NUP210: variants seen among roughly 807,000 people sequenced by gnomAD.
NUP210 encodes nucleoporin 210.
A neutral mutation model predicts 196.0 loss-of-function variants in NUP210; 151 were observed. That is an observed-to-expected ratio of 0.77 (90% CI 0.67 to 0.88). The LOEUF (loss-of-function observed/expected upper bound fraction) is 0.88. Among genes scored for constraint, NUP210 ranks in the 40% least tolerant of loss-of-function variants. The probability of loss-of-function intolerance (pLI) is 0.00; values close to 1 mark genes in which losing one functional copy is unlikely to be tolerated. For synonymous variants in NUP210, 1,070 were observed against 1,052.7 expected, an observed-to-expected ratio of 1.02 and a Z score of -0.32; for missense variants, 2,314 against 2,493.7, an observed-to-expected ratio of 0.93 and a Z score of 1.53.
chr3:13,351,612 G>A (rs910928624), intron 20 of NUP210: 2 of 386,484 alleles, frequency 5.2e-6, no homozygotes, highest in Non-Finnish European at 9.5e-6. Context: ...TCAGGTTCCT[G>A]TGTAGCTGGG....
intron 16 of NUP210, among the ~76,000 whole-genome samples, chr3:13,357,604 C>T (rs1204038466): frequency 1.3e-5 from 2 of 152,290 alleles, no homozygotes; most frequent in African/African-American, 4.8e-5. Context: ...TGTCCCATGT[C>T]CCTTACCCTG....
intron 3 of NUP210, among the ~76,000 whole-genome samples, chr3:13,392,128 A>G (rs1699511311): frequency 6.6e-6 from 1 of 152,112 alleles, no homozygotes; most frequent in South Asian, 2.1e-4. Context: ...CTCCCAGTAC[A>G]AGGGATCTGG....
rs201141037 is a variant in NUP210, at chr3:13,335,466, C to G, written c.3831G>C (p.Glu1277Asp). Residue 1277 changes from glutamate to aspartate, a missense_variant, in exon 28 of 40, where the codon GAG becomes GAC. Glu to Asp is a conservative substitution (Grantham distance 45, BLOSUM62 2). Coordinates refer to ENST00000254508, the MANE Select transcript of NUP210 (RefSeq NM_024923.4). ...ACCTGCCTCCTACCTGGACTTGGAT[C>G]TCATCCGAGAGTTCTCTGGCCAGGC... is the stretch of plus-strand genomic sequence containing the variant. ...LYGLARELSD[E>D]IQVQVFEKLQ... 2.5e-6 allele frequency: 4 copies of G among 1,613,252 alleles called. No homozygotes were observed. The highest frequency in any genetic ancestry group is 2.7e-5 in the African/African-American group (2 of 75,040).
At chr3:13,400,912 C>T (rs972263207) in intron 1 of NUP210, among the ~76,000 whole-genome samples, 6 of 142,968 alleles carry the variant, frequency 4.2e-5, no homozygotes, top group African/African-American at 1.2e-4. Context: ...GGAACATCCA[C>T]AGCCACGAGT....
chr3:13,373,948 G>T, intron 11 of NUP210, 75 bp from the exon 12 acceptor site: 3 of 1,537,418 alleles, frequency 2.0e-6, no homozygotes, highest in Admixed American at 1.8e-5. Flanking sequence ...TCAGAGACAC[G>T]TGCGTGTGCA....
intron 16 of NUP210, among the ~76,000 whole-genome samples, chr3:13,356,761 T>G (rs184660258): frequency 9.2e-5 from 14 of 152,336 alleles, no homozygotes; most frequent in Admixed American, 9.1e-4. Flanking sequence ...ACTCCGTGTT[T>G]GAGGTCCATT....
rs1378638109 is a variant in NUP210, at chr3:13,322,253, C to T, written c.4855G>A (p.Val1619Ile). ...ISCQSQFKPAVFDFPSQDVFT... is the reference protein window; with the variant it reads ...ISCQSQFKPAIFDFPSQDVFT... ...ACATCTTGAGATGGGAAATCAAAGA[C>T]GGCCGGCTTGAACTGGGACTGGCAG... is the stretch of plus-strand genomic sequence containing the variant. The change falls in exon 35 of 40, where the codon GTC (valine) becomes ATC (isoleucine). Residue 1619 changes from valine (V) to isoleucine (I), a missense_variant. Transcript: ENST00000254508. The T allele has an allele frequency of 8.1e-6, 13 of 1,614,110 alleles. No homozygotes were observed. Among genetic ancestry groups the T allele is most frequent in the Admixed American group, 3.3e-5 (2 of 60,008 alleles).
At chr3:13,322,366 TG>T in intron 34 of NUP210, 27 bp from the exon 35 acceptor site, 1 of 1,613,378 alleles carries the variant, frequency 6.2e-7, no homozygotes, top group South Asian at 1.1e-5. Context: ...CGAGAGGGTG[TG>T]GGCCAGGCCC....
chr3:13,402,842 C>G (rs943146963), intron 1 of NUP210, among the ~76,000 whole-genome samples: 1 of 152,204 alleles, frequency 6.6e-6, no homozygotes, highest in Non-Finnish European at 1.5e-5. Flanking sequence ...CAACACTTCC[C>G]TCAACATCCC....
At chr3:13,343,440 G>T in intron 20 of NUP210, 137 bp from the exon 21 acceptor site, 1 of 1,121,288 alleles carries the variant, frequency 8.9e-7, no homozygotes, top group Non-Finnish European at 1.3e-6. Flanking sequence ...GGCAGAGCCC[G>T]CCAGGCCAGC....
intron 6 of NUP210, among the ~76,000 whole-genome samples, chr3:13,384,303 G>T (rs888653025): frequency 2.0e-5 from 3 of 152,220 alleles, no homozygotes; most frequent in Admixed American, 6.5e-5. Flanking sequence ...TTTCCTTTGG[G>T]GAGAAGCGGC....
At position 13,339,971 on chromosome 3, in the gene NUP210, G is replaced by A. The variant is rs762682844; in HGVS notation, c.3354C>T (p.Ser1118=). ...SNILFSISNE[S]VALVSAAGLV... is the part of the protein sequence containing the mutation. ...GCCCAGCAGCGCTCACCAGCGCAAC[G>A]CTCTCATTGCTGATGGAGAAAAGGA... Residue 1118 remains serine (S), a synonymous_variant, in exon 25 of 40, where the codon AGC becomes AGT. Transcript: ENST00000254508. The A allele has an allele frequency of 2.0e-5, 32 of 1,613,926 alleles. No individual in the cohort carries two copies. The Admixed American group carries it at 4.2e-4, about 21-fold the overall frequency.
chr3:13,391,459 C>G (rs1699490264), intron 3 of NUP210, 152 bp from the exon 4 acceptor site: 2 of 632,970 alleles, frequency 3.2e-6, no homozygotes, highest in Non-Finnish European at 2.9e-6. Flanking sequence ...GGAGAGGAAA[C>G]TGAGGCTGAA....
At chr3:13,397,246 A>C in intron 3 of NUP210, 111 bp downstream of exon 3, 1 of 1,305,620 alleles carries the variant, frequency 7.7e-7, no homozygotes, top group Non-Finnish European at 1.0e-6. Flanking sequence ...CCCTCTAGGG[A>C]CCTGCAGGGT....
chr3:13,406,842 C>A (rs1700019299), intron 1 of NUP210, among the ~76,000 whole-genome samples: 1 of 150,318 alleles, frequency 6.7e-6, no homozygotes, highest in Non-Finnish European at 1.5e-5. Flanking sequence ...GCCCCAACCC[C>A]CCCCACCCCC....
At chr3:13,393,422 T>C (rs1213519368) in intron 3 of NUP210, among the ~76,000 whole-genome samples, 2 of 152,218 alleles carry the variant, frequency 1.3e-5, no homozygotes, top group African/African-American at 2.4e-5. Flanking sequence ...AAGAGTTGAA[T>C]GTGTGGTAAT....
At chr3:13,333,037 C>T (rs1279179313) in intron 28 of NUP210, among the ~76,000 whole-genome samples, 2 of 152,370 alleles carry the variant, frequency 1.3e-5, no homozygotes, top group East Asian at 3.9e-4. Flanking sequence ...GTTCCACCTC[C>T]CAGGCTCCTC....
chr3:13,401,523 G>T (rs1050686844), intron 1 of NUP210, among the ~76,000 whole-genome samples: 1 of 152,176 alleles, frequency 6.6e-6, no homozygotes. Flanking sequence ...AAGTGTGTCT[G>T]TGGCCCCTTG....
chr3:13,396,186 C>G (rs544772957), intron 3 of NUP210, among the ~76,000 whole-genome samples: 2 of 152,258 alleles, frequency 1.3e-5, no homozygotes, highest in East Asian at 3.9e-4. Context: ...ACATCTAGTA[C>G]GTAGAGGCCT....
Sources: gnomAD v4.1 joint callset for allele counts (sites outside exome capture counted in the v4.1 genomes callset) on GRCh38, gnomAD v4.1.1 for gene constraint, MANE v1.5 for transcripts, NCBI Gene and HGNC (gene_info 2026-07-23, HGNC 2026-07-21) for gene names.